The following MGRN1 variants were observed in gnomAD, a reference collection of about 807,000 sequenced individuals.
The protein encoded by MGRN1 is mahogunin ring finger 1, also known as E3 ubiquitin-protein ligase MGRN1.
MGRN1 carries 29 observed loss-of-function variants against 69.2 expected under a neutral mutation model. The ratio of observed to expected loss-of-function variants is 0.42; its 90% CI spans 0.31 to 0.57. The LOEUF (loss-of-function observed/expected upper bound fraction) is 0.57, where lower values mean the gene tolerates loss of function less well. Ranked by LOEUF, MGRN1 falls within the 20% of genes least tolerant of loss-of-function variation. The pLI is 0.15. For missense variants in MGRN1, 998 were observed against 796.2 expected (o/e 1.25, Z -3.05); for synonymous variants, 470 against 344.2 (o/e 1.37, Z -4.04).
chr16:4,686,550 G>A (rs995574109), intron 16 of MGRN1: 40 of 1,342,492 alleles, frequency 3.0e-5, no homozygotes, highest in African/African-American at 2.1e-4. Context: ...CTAGGCGGCC[G>A]GTCAGGCTCT....
chr16:4,653,213 C>T (rs1004286474), intron 4 of MGRN1, among the ~76,000 whole-genome samples: 29 of 152,128 alleles, frequency 1.9e-4, no homozygotes, highest in Non-Finnish European at 4.0e-4. Context: ...TAGTGTGGCT[C>T]ACAGAACCCA....
Position 4,683,208 on chromosome 16 carries a change from C to T in MGRN1, c.1483-16C>T. On this transcript the variant is annotated splice_polypyrimidine_tract_variant and intron_variant, in intron 14 of 16. Coordinates refer to ENST00000262370, the MANE Select transcript of MGRN1 (RefSeq NM_015246.4). Reference sequence around the variant, plus strand: ...GGCTCTCTGAGCTCTAGGCTACTTTCCCCTTTGTTTCCTAGAGTTTCATAA... The same window carrying T: ...GGCTCTCTGAGCTCTAGGCTACTTTTCCCTTTGTTTCCTAGAGTTTCATAA... 1 of 1,613,378 alleles carries T rather than the reference C, an allele frequency of 6.2e-7. No individual in the cohort carries two copies. The highest frequency in any genetic ancestry group is 1.1e-5 in the South Asian group (1 of 91,090).
At position 4,648,454 on chromosome 16, in the gene MGRN1, C is replaced by G. The variant is rs1196419631; in HGVS notation, c.89-1911C>G. Among the ~76,000 whole-genome samples the G allele has an allele frequency of 1.1e-4, 12 of 113,144 alleles. 1 individual carries two copies. The highest frequency in any genetic ancestry group is 5.4e-4 in the African/African-American group (12 of 22,090). 74.2% of individuals were successfully genotyped at this position (113,144 alleles called of 152,430 possible). ...GTCACCCGGCTCCTCCTCTCGGGGA[C>G]TCTTCCCGTGGTCACCTGGCTCCTC... On this transcript the variant is annotated intron_variant, in intron 1 of 16. Coordinates refer to ENST00000262370, the MANE Select transcript of MGRN1 (RefSeq NM_015246.4).
chr16:4,673,378 C>G (rs763464667), intron 9 of MGRN1, 120 bp from the exon 10 acceptor site: 1 of 1,360,346 alleles, frequency 7.4e-7, no homozygotes, highest in Non-Finnish European at 1.0e-6. Context: ...CTCTGGACTT[C>G]TCTTTGTCAT....
chr16:4,668,242 C>T (rs767401430), intron 7 of MGRN1, 23 bp from the exon 8 acceptor site: 10 of 1,612,716 alleles, frequency 6.2e-6, no homozygotes, highest in Middle Eastern at 1.7e-4. Flanking sequence ...CCACCTTAAC[C>T]TCTTTGTCTT....
At chr16:4,667,131 C>T (rs997712979) in intron 7 of MGRN1, among the ~76,000 whole-genome samples, 48 of 152,214 alleles carry the variant, frequency 3.2e-4, no homozygotes, top group Admixed American at 3.3e-4. Context: ...CTGCCTGCTG[C>T]GGGCTTCACG....
Position 4,624,850 on chromosome 16 carries a change from C to T in MGRN1, c.-111C>T, listed in dbSNP as rs1380029174. On this transcript the variant is annotated 5_prime_UTR_variant, in exon 1 of 17. Transcript: ENST00000262370. Reference sequence around the variant, plus strand: ...TGGGGGCTCGAGGCGCCTCCGCGGCCGTGGACGAGCGTCCGTGCGGCCTGG... The same window carrying T: ...TGGGGGCTCGAGGCGCCTCCGCGGCTGTGGACGAGCGTCCGTGCGGCCTGG... The T allele has an allele frequency of 1.1e-6, 1 of 884,074 alleles. No homozygotes were observed. The highest frequency in any genetic ancestry group is 1.6e-6 in the Non-Finnish European group (1 of 643,826). 54.8% of individuals were successfully genotyped at this position (884,074 alleles called of 1,614,324 possible).
At chr16:4,647,725 G>A (rs915855283) in intron 1 of MGRN1, among the ~76,000 whole-genome samples, 1 of 152,182 alleles carries the variant, frequency 6.6e-6, no homozygotes, top group Non-Finnish European at 1.5e-5. Flanking sequence ...TCCAGCAGCT[G>A]TGTGGTGGGC....
At chr16:4,632,011 T>C (rs1898031636) in intron 1 of MGRN1, among the ~76,000 whole-genome samples, 1 of 129,762 alleles carries the variant, frequency 7.7e-6, no homozygotes. Context: ...AATTTCCTTT[T>C]TTTTTTTTTT....
chr16:4,686,611 A>G, intron 16 of MGRN1: 1 of 1,203,492 alleles, frequency 8.3e-7, no homozygotes, highest in Non-Finnish European at 1.0e-6. Context: ...GCAGGGAGAC[A>G]GACACAGCCC....
chr16:4,639,832 C>G (rs1382512674), intron 1 of MGRN1: 1 of 152,266 alleles, frequency 6.6e-6, no homozygotes, highest in Non-Finnish European at 1.5e-5. Context: ...ATGGGTCAGA[C>G]TTCTCCCTGA....
At chr16:4,677,687 C>A in intron 11 of MGRN1, 115 bp downstream of exon 11, 1 of 970,866 alleles carries the variant, frequency 1.0e-6, no homozygotes, top group Non-Finnish European at 1.5e-6. Context: ...GTCCAGTGGG[C>A]AGGCATGGCC....
intron 1 of MGRN1, among the ~76,000 whole-genome samples, chr16:4,632,936 A>T (rs891380513): frequency 6.6e-6 from 1 of 152,138 alleles, no homozygotes; most frequent in African/African-American, 2.4e-5. Context: ...TAAAAAAATT[A>T]TCTGGGTGTG....
chr16:4,676,578 C>T (rs2079057943), intron 10 of MGRN1, among the ~76,000 whole-genome samples: 1 of 152,308 alleles, frequency 6.6e-6, no homozygotes, highest in East Asian at 1.9e-4. Context: ...CTGCTGTTCT[C>T]AGTAGAAATT....
chr16:4,651,944 C>T lies in MGRN1; in HGVS notation c.208-19C>T. 6.2e-7 allele frequency: 1 copy of T among 1,612,680 alleles called. No homozygotes were observed. The highest frequency in any genetic ancestry group is 1.1e-5 in the South Asian group (1 of 91,054). ...TGCTCCTGAGGGAGTCACCTGGGGCCCTGTGGTTTTTCTCCTAGTTTCCCT... is the reference window on the plus strand; with the variant it reads ...TGCTCCTGAGGGAGTCACCTGGGGCTCTGTGGTTTTTCTCCTAGTTTCCCT... On this transcript the variant is annotated intron_variant, in intron 2 of 16. Transcript: ENST00000262370.
chr16:4,677,686 G>C, intron 11 of MGRN1, 114 bp downstream of exon 11: 1 of 986,520 alleles, frequency 1.0e-6, no homozygotes, highest in Non-Finnish European at 1.5e-6. Context: ...TGTCCAGTGG[G>C]CAGGCATGGC....
At chr16:4,682,384 G>A (rs970253503) in intron 13 of MGRN1, among the ~76,000 whole-genome samples, 1 of 152,226 alleles carries the variant, frequency 6.6e-6, no homozygotes, top group South Asian at 2.1e-4. Context: ...CTGCCAGGGG[G>A]ACTCTGTGCC....
At chr16:4,670,807 G>C (rs1420895289) in intron 8 of MGRN1, among the ~76,000 whole-genome samples, 2 of 152,276 alleles carry the variant, frequency 1.3e-5, no homozygotes, top group African/African-American at 4.8e-5. Flanking sequence ...TGTGTTGAGA[G>C]AGCTGACCAG....
intron 12 of MGRN1, 127 bp downstream of exon 12, chr16:4,680,224 C>T: frequency 2.1e-6 from 2 of 933,446 alleles, no homozygotes; most frequent in African/African-American, 1.7e-5. Flanking sequence ...GCTCCACTTG[C>T]CCAGTCCCGG....
Sources: gnomAD v4.1 joint callset for allele counts (sites outside exome capture counted in the v4.1 genomes callset) on GRCh38, gnomAD v4.1.1 for gene constraint, MANE v1.5 for transcripts, NCBI Gene and HGNC (gene_info 2026-07-23, HGNC 2026-07-21) for gene names.